Variants in CEP120 observed in about 807,000 individuals in gnomAD.
The protein encoded by CEP120 is centrosomal protein of 120 kDa.
In CEP120, 113 loss-of-function variants were observed where a neutral mutation model predicts 126.5. The ratio of observed to expected loss-of-function variants is 0.89; its 90% CI spans 0.77 to 1.04. The LOEUF (loss-of-function observed/expected upper bound fraction) is 1.04. Among genes scored for constraint, CEP120 ranks in the 50% least tolerant of loss-of-function variants. The pLI, the probability that CEP120 is intolerant of heterozygous loss-of-function variation, is 0.00. For synonymous variants in CEP120, 400 were observed against 394.3 expected (o/e 1.01, Z -0.17); for missense variants, 1,230 against 1,155.7 (o/e 1.06, Z -0.93).
chr5:123,404,530 C>A (rs1773517433), intron 4 of CEP120, among the ~76,000 whole-genome samples: 1 of 151,782 alleles, frequency 6.6e-6, no homozygotes, highest in African/African-American at 2.4e-5. Context: ...GAAGAAATTT[C>A]TTTAATATAT....
intron 18 of CEP120, among the ~76,000 whole-genome samples, chr5:123,363,446 C>T (rs1394549159): frequency 6.6e-6 from 1 of 151,538 alleles, no homozygotes; most frequent in African/African-American, 2.4e-5. Context: ...TTATTTTATA[C>T]TTATTGTACA....
intron 18 of CEP120, among the ~76,000 whole-genome samples, chr5:123,353,410 C>A (rs151274719): frequency 6.6e-6 from 1 of 151,752 alleles, no homozygotes; most frequent in East Asian, 1.9e-4. Flanking sequence ...GTGATGCTTA[C>A]AAGTTTAATA....
intron 10 of CEP120, among the ~76,000 whole-genome samples, chr5:123,385,972 G>A (rs1771993287): frequency 6.6e-6 from 1 of 151,876 alleles, no homozygotes; most frequent in Non-Finnish European, 1.5e-5. Context: ...TCCCACAAAT[G>A]GTTAGATTTA....
intron 18 of CEP120, among the ~76,000 whole-genome samples, chr5:123,352,006 A>G (rs1056903788): frequency 1.3e-5 from 2 of 152,124 alleles, no homozygotes; most frequent in African/African-American, 4.8e-5. Flanking sequence ...TTGACAGGTT[A>G]CATAGTAGTA....
chr5:123,366,455 T>C (rs987120343), intron 17 of CEP120, among the ~76,000 whole-genome samples: 1 of 151,832 alleles, frequency 6.6e-6, no homozygotes, highest in East Asian at 1.9e-4. Flanking sequence ...ACTCAAAGCA[T>C]AGATTAAAAT....
chr5:123,393,389 G>C lies in CEP120; in HGVS notation c.721C>G (p.Pro241Ala). Residue 241 changes from proline (P) to alanine (A), a missense_variant, in exon 6 of 20, where the codon CCA becomes GCA. Coordinates refer to ENST00000306467, the MANE Select transcript of CEP120 (RefSeq NM_001375405.1). The stretch of plus-strand genomic sequence containing the variant: ...GATGCTCTCTCTGGCTCAAAGTTTG[G>C]GTTGATTAAATCATTGAAGGGTTCA... ...TNEPFNDLINPNFEPERASVR... is the reference protein window; with the variant it reads ...TNEPFNDLINANFEPERASVR... The C allele has an allele frequency of 1.2e-6, 2 of 1,614,070 alleles. No individual in the cohort carries two copies. Among genetic ancestry groups the C allele is most frequent in the Non-Finnish European group, 1.7e-6 (2 of 1,179,992 alleles).
intron 19 of CEP120, 36 bp downstream of exon 19, chr5:123,349,908 T>A (rs779933834): frequency 6.3e-7 from 1 of 1,596,172 alleles, no homozygotes; most frequent in Non-Finnish European, 8.5e-7. Context: ...TGAACCAAAC[T>A]TTGGCTTTTG....
In CEP120 at chr5:123,422,679, G is replaced by T. The variant is rs1016418723; in HGVS notation, c.49+271C>A. The T allele has an allele frequency of 4.8e-6, 4 of 829,868 alleles. No individual in the cohort carries two copies. The African/African-American group carries it at 5.1e-5, about 11-fold the overall frequency. The allele number at this position is 829,868 out of a possible 1,614,324, so 51.4% of individuals were successfully genotyped here. A position where few individuals can be genotyped will look rare whatever the true frequency, so the allele number is the denominator to read the frequency against. On this transcript the variant is annotated intron_variant, in intron 1 of 19. Transcript: ENST00000306467. ...GCTCATATATAAAAGCCATCGACGT[G>T]CTGCTTTGGATGAAAATCGTTTTCT... is the stretch of plus-strand genomic sequence containing the variant.
chr5:123,422,756 T>C lies in CEP120; in HGVS notation c.49+194A>G, dbSNP rs113935442. 1.7e-3 allele frequency among the ~76,000 whole-genome samples: 255 copies of C among 152,366 alleles called. 2 individuals are homozygous for C. Among genetic ancestry groups the C allele is most frequent in the African/African-American group, 5.2e-3 (215 of 41,586 alleles). On this transcript the variant is annotated intron_variant, in intron 1 of 19. Transcript: ENST00000306467. ...CACGCTAAATATCACTTATCCCTAA[T>C]AGCGCTCATATCCCTGGAGAGATTT...
intron 5 of CEP120, among the ~76,000 whole-genome samples, chr5:123,395,849 T>A (rs1772753093): frequency 6.6e-6 from 1 of 151,640 alleles, no homozygotes; most frequent in Non-Finnish European, 1.5e-5. Flanking sequence ...ACCCAGCTAA[T>A]TTTTTTGTAT....
At chr5:123,377,856 T>C (rs1401058920) in intron 15 of CEP120, among the ~76,000 whole-genome samples, 2 of 152,134 alleles carry the variant, frequency 1.3e-5, no homozygotes, top group Non-Finnish European at 2.9e-5. Context: ...TTTCTTCTTT[T>C]AGAAACTTCT....
At chr5:123,398,864 A>G (rs570605183) in intron 5 of CEP120, among the ~76,000 whole-genome samples, 150 of 152,328 alleles carry the variant, frequency 9.8e-4, no homozygotes, top group Non-Finnish European at 1.9e-3. Context: ...AGTCCTTACA[A>G]TGCCACACAG....
Position 123,378,429 on chromosome 5 carries a change from C to T in CEP120, c.2104-1G>A. 1 of 1,465,092 alleles carries T rather than the reference C, an allele frequency of 6.8e-7. No homozygotes were observed. Among genetic ancestry groups the T allele is most frequent in the Non-Finnish European group, 9.2e-7 (1 of 1,089,940 alleles). The allele number at this position is 1,465,092 out of a possible 1,614,324, so 90.8% of individuals were successfully genotyped here. On this transcript the variant is annotated splice_acceptor_variant, in intron 14 of 19. Transcript: ENST00000306467. LOFTEE classifies it high-confidence loss of function. Reference sequence around the variant, plus strand: ...CTTCTAGAATAGTATATTCAGCCACCTAAAATATAGTAAAAAAAAAAAAAA... The same window carrying T: ...CTTCTAGAATAGTATATTCAGCCACTTAAAATATAGTAAAAAAAAAAAAAA...
chr5:123,422,827 A>G, intron 1 of CEP120, 123 bp downstream of exon 1: 1 of 945,246 alleles, frequency 1.1e-6, no homozygotes, highest in South Asian at 1.4e-5. Flanking sequence ...ACTTTGAACA[A>G]GTCTGTGGGG....
intron 4 of CEP120, among the ~76,000 whole-genome samples, chr5:123,404,697 T>C (rs1005183961): frequency 2.6e-5 from 4 of 152,200 alleles, no homozygotes; most frequent in African/African-American, 9.6e-5. Flanking sequence ...GGACAACTAT[T>C]TATAAATTCA....
At chr5:123,377,329 T>C in intron 16 of CEP120, 45 bp downstream of exon 16, 1 of 1,567,862 alleles carries the variant, frequency 6.4e-7, no homozygotes, top group Non-Finnish European at 8.6e-7. Context: ...ATTACTAGAA[T>C]GCAAATAAAC....
intron 10 of CEP120, among the ~76,000 whole-genome samples, chr5:123,386,190 GC>G (rs1318409689): frequency 6.6e-6 from 1 of 151,904 alleles, no homozygotes; most frequent in African/African-American, 2.4e-5. Context: ...TTAGTTCTTA[GC>G]TTTTTATCTT....
intron 4 of CEP120, chr5:123,402,204 CG>C: frequency 6.4e-7 from 1 of 1,557,914 alleles, no homozygotes; most frequent in Non-Finnish European, 8.8e-7. Flanking sequence ...CAGGCCACCC[CG>C]AAAGCAGCTG....
intron 17 of CEP120, among the ~76,000 whole-genome samples, 175 bp from the exon 18 acceptor site, chr5:123,364,769 T>C (rs1302817909): frequency 6.6e-6 from 1 of 151,662 alleles, no homozygotes; most frequent in African/African-American, 2.4e-5. Context: ...GAACATTTTC[T>C]TGTTTAAAAT....
Sources: allele counts gnomAD v4.1 joint callset (sites outside exome capture counted in the v4.1 genomes callset), GRCh38; gene constraint gnomAD v4.1.1; transcripts MANE v1.5; gene names NCBI Gene and HGNC (gene_info 2026-07-23, HGNC 2026-07-21).